Variants in GRID1 observed in about 807,000 individuals in gnomAD.
GRID1 encodes glutamate receptor ionotropic, delta-1.
GRID1 carries 28 observed loss-of-function variants against 98.0 expected under a neutral mutation model. That is an observed-to-expected ratio of 0.29 (90% confidence interval 0.21 to 0.39). The LOEUF is 0.39. Among genes scored for constraint, GRID1 ranks in the 10% least tolerant of loss-of-function variants. The pLI, the probability that GRID1 is intolerant of heterozygous loss-of-function variation, is 1.00. For missense variants in GRID1, 1,111 were observed against 1,340.5 expected, an observed-to-expected ratio of 0.83 and a Z score of 2.67; for synonymous variants, 553 against 538.5, an observed-to-expected ratio of 1.03 and a Z score of -0.37.
chr10:85,953,563 G>T (rs1842151782), intron 4 of GRID1, among the ~76,000 whole-genome samples: 1 of 152,214 alleles, frequency 6.6e-6, no homozygotes, highest in Non-Finnish European at 1.5e-5. Context: ...GAAACTTCCA[G>T]ACTATGTATA....
chr10:86,199,179 G>A (rs1489900326), intron 3 of GRID1, among the ~76,000 whole-genome samples: 1 of 152,024 alleles, frequency 6.6e-6, no homozygotes, highest in Non-Finnish European at 1.5e-5. Context: ...GTGACCATGT[G>A]TGTCCACTCA....
At chr10:85,810,635 A>C (rs116971958) in intron 8 of GRID1, among the ~76,000 whole-genome samples, 1 of 152,032 alleles carries the variant, frequency 6.6e-6, no homozygotes, top group Non-Finnish European at 1.5e-5. Context: ...CTCACTCCCA[A>C]CTGGAGATGA....
chr10:86,277,814 C>G (rs1847294937), intron 2 of GRID1, among the ~76,000 whole-genome samples: 2 of 151,958 alleles, frequency 1.3e-5, no homozygotes, highest in African/African-American at 4.8e-5. Context: ...AACAGACATA[C>G]TGAAAACAAA....
intron 4 of GRID1, among the ~76,000 whole-genome samples, chr10:85,927,452 G>A (rs985620134): frequency 6.6e-6 from 1 of 151,430 alleles, no homozygotes; most frequent in African/African-American, 2.4e-5. Context: ...CATAAGCTGC[G>A]AGTTTCCAGA....
At chr10:85,612,891 AC>A (rs1842749577) in intron 15 of GRID1, 1 of 153,052 alleles carries the variant, frequency 6.5e-6, no homozygotes, top group African/African-American at 2.4e-5. Context: ...GGCTGGGTGC[AC>A]CCAGGAGGGA....
chr10:85,640,830 G>A (rs1843108309), intron 13 of GRID1, among the ~76,000 whole-genome samples: 1 of 152,222 alleles, frequency 6.6e-6, no homozygotes, highest in South Asian at 2.1e-4. Flanking sequence ...CATTAGACCA[G>A]GAGTGGAAAT....
rs866770590 is a variant in GRID1 at position 85,602,695 on chromosome 10, C to A, written c.2608G>T (p.Glu870Ter). 1 of 1,610,498 alleles carries A rather than the reference C, an allele frequency of 6.2e-7. No homozygotes were observed. Among genetic ancestry groups the A allele is most frequent in the Non-Finnish European group, 8.5e-7 (1 of 1,177,984 alleles). The change falls in exon 16 of 16, where the codon GAA (glutamate) becomes TAA (stop). Residue 870 changes from glutamate to a stop codon, truncating the protein, a stop_gained. Transcript: ENST00000327946. LOFTEE classifies it high-confidence loss of function. ...CHQETPKEDK[E>*]VNLEQVHRRM... ...CGGTGGACCTGCTCCAAGTTCACTT[C>A]TTTGTCCTGGAGGGAAGGCATAGGA...
intron 3 of GRID1, among the ~76,000 whole-genome samples, chr10:86,202,779 G>C (rs1845972252): frequency 6.6e-6 from 1 of 152,206 alleles, no homozygotes; most frequent in South Asian, 2.1e-4. Flanking sequence ...ACATTCCAGG[G>C]TTTAAAGGGA....
At chr10:85,871,750 G>A (rs1843280512) in intron 5 of GRID1, among the ~76,000 whole-genome samples, 1 of 152,210 alleles carries the variant, frequency 6.6e-6, no homozygotes, top group Non-Finnish European at 1.5e-5. Context: ...AAGCTGATAT[G>A]TGTGTGAAGC....
Position 85,916,735 on chromosome 10 carries a change from G to A in GRID1, c.727-496C>T, listed in dbSNP as rs1841626466. Among the ~76,000 whole-genome samples the A allele has an allele frequency of 6.6e-6, 1 of 152,136 alleles. No individual in the cohort carries two copies. ...CTCCGAGTTTCCTTCAGTTCTTTAGGATCCATAGAACAAAGCTCTTTGTAG... is the reference window on the plus strand; with the variant it reads ...CTCCGAGTTTCCTTCAGTTCTTTAGAATCCATAGAACAAAGCTCTTTGTAG... On this transcript the variant is annotated intron_variant, in intron 4 of 15. Coordinates refer to ENST00000327946, the MANE Select transcript of GRID1 (RefSeq NM_017551.3). This position sits in a 1 kb window ranked among gnomAD's most constrained non-coding sequence, Gnocchi z 4.0.
At chr10:86,242,403 T>C (rs559383077) in intron 2 of GRID1, among the ~76,000 whole-genome samples, 1 of 152,226 alleles carries the variant, frequency 6.6e-6, no homozygotes, top group East Asian at 1.9e-4. Context: ...CTCAGGGGGC[T>C]AGGCTGAGGG....
At chr10:85,861,387 C>A (rs1356833232) in intron 6 of GRID1, among the ~76,000 whole-genome samples, 2 of 152,210 alleles carry the variant, frequency 1.3e-5, no homozygotes, top group Non-Finnish European at 2.9e-5. Context: ...CCACAGCTGC[C>A]ACAGCCCCCA....
At chr10:86,280,589 A>C (rs570325272) in intron 2 of GRID1, among the ~76,000 whole-genome samples, 2 of 144,460 alleles carry the variant, frequency 1.4e-5, no homozygotes, top group Non-Finnish European at 1.5e-5. Context: ...AGTGGCTTCC[A>C]CCTCTCCTCC....
Position 85,967,780 on chromosome 10 carries a change from G to T in GRID1, c.727-51541C>A, listed in dbSNP as rs1026583908. Among the ~76,000 whole-genome samples the T allele has an allele frequency of 2.6e-5, 4 of 152,206 alleles. No individual in the cohort carries two copies. In the South Asian group the frequency reaches 8.3e-4, roughly 32 times the overall value. On this transcript the variant is annotated intron_variant, in intron 4 of 15. Coordinates refer to ENST00000327946, the MANE Select transcript of GRID1 (RefSeq NM_017551.3). The stretch of plus-strand genomic sequence containing the variant: ...AGAGATTCTTGAAAGTAGCAAGAAA[G>T]AAATGACTCATCACTGATGAGGAAT...
At chr10:86,294,337 G>A (rs1427603355) in intron 2 of GRID1, among the ~76,000 whole-genome samples, 1 of 152,224 alleles carries the variant, frequency 6.6e-6, no homozygotes, top group Non-Finnish European at 1.5e-5. Context: ...TAGCGAGATG[G>A]GAGCTGTTGG....
intron 4 of GRID1, among the ~76,000 whole-genome samples, chr10:86,029,169 G>A (rs542931509): frequency 6.6e-5 from 10 of 152,258 alleles, no homozygotes; most frequent in African/African-American, 2.4e-4. Context: ...AAAACACACT[G>A]GTTTCCACTT....
intron 4 of GRID1, among the ~76,000 whole-genome samples, chr10:86,058,782 G>T (rs1843610155): frequency 6.6e-6 from 1 of 152,224 alleles, no homozygotes; most frequent in Admixed American, 6.5e-5. Context: ...CCCGCTGTGT[G>T]TCTGGCACCA....
At chr10:86,108,217 C>T (rs1323428217) in intron 4 of GRID1, among the ~76,000 whole-genome samples, 2 of 152,134 alleles carry the variant, frequency 1.3e-5, no homozygotes, top group Admixed American at 1.3e-4. Flanking sequence ...ACTGAAGAAG[C>T]GAGCCACACC....
intron 4 of GRID1, among the ~76,000 whole-genome samples, chr10:85,926,811 G>A (rs552859456): frequency 1.3e-5 from 2 of 152,264 alleles, no homozygotes; most frequent in East Asian, 1.9e-4. Flanking sequence ...TCCTCACATC[G>A]TGTGAGTGAG....
Sources: allele counts gnomAD v4.1 joint callset (sites outside exome capture counted in the v4.1 genomes callset), GRCh38; gene constraint gnomAD v4.1.1; non-coding constraint Gnocchi (gnomAD v3.1); transcripts MANE v1.5; gene names NCBI Gene and HGNC (gene_info 2026-07-23, HGNC 2026-07-21).